CTDSPL: variants seen among roughly 807,000 people sequenced by gnomAD.
CTDSPL encodes the protein CTD small phosphatase-like protein.
A neutral mutation model predicts 30.5 loss-of-function variants in CTDSPL; 8 were observed. The ratio of observed to expected loss-of-function variants is 0.26; its 90% CI spans 0.15 to 0.47. The LOEUF (loss-of-function observed/expected upper bound fraction) is 0.47. CTDSPL is among the 20% of genes least tolerant of loss of function. CTDSPL has a pLI of 0.99. For missense variants in CTDSPL, 248 were observed against 366.1 expected, an observed-to-expected ratio of 0.68 and a Z score of 2.63; for synonymous variants, 110 against 137.9, an observed-to-expected ratio of 0.80 and a Z score of 1.42.
At chr3:37,877,054 C>T (rs1009430055) in intron 1 of CTDSPL, among the ~76,000 whole-genome samples, 4 of 149,528 alleles carry the variant, frequency 2.7e-5, no homozygotes, top group Non-Finnish European at 3.0e-5. Flanking sequence ...TGCAGTGAAC[C>T]GAGATTGCGC....
chr3:37,930,850 C>T (rs1483142457), intron 1 of CTDSPL, among the ~76,000 whole-genome samples: 3 of 152,128 alleles, frequency 2.0e-5, no homozygotes, highest in African/African-American at 4.8e-5. Context: ...TCTATCGGTG[C>T]TTGCTTCATG....
chr3:37,982,434 A>G lies in CTDSPL; in HGVS notation c.*1567A>G. On this transcript the variant is annotated 3_prime_UTR_variant, in exon 8 of 8. Coordinates refer to ENST00000273179, the MANE Select transcript of CTDSPL (RefSeq NM_001008392.2). ...AAAAACAATTAAAAAGAACCCTTTC[A>G]TATTGGCACCATTGCCTTAGTCCTC... 2.4e-6 allele frequency: 1 copy of G among 410,260 alleles called. No individual in the cohort carries two copies. The highest frequency in any genetic ancestry group is 4.9e-6 in the Non-Finnish European group (1 of 204,764). The allele number at this position is 410,260 out of a possible 1,614,324, so 25.4% of individuals were successfully genotyped here.
Position 37,917,845 on chromosome 3 carries a change from T to C in CTDSPL, c.80-29212T>C, listed in dbSNP as rs187654673. On this transcript the variant is annotated intron_variant, in intron 1 of 7. Transcript: ENST00000273179. ...AAATAAAGTGTAAAATTTATTGTGA[T>C]TGTGTTTGACAGCAGATATCGGAGA... Among the ~76,000 whole-genome samples, 13 of 152,352 alleles carry C rather than the reference T, an allele frequency of 8.5e-5. No individual in the cohort carries two copies. In the East Asian group the frequency reaches 2.5e-3, roughly 29 times the overall value.
rs141545828 is a variant in CTDSPL at position 37,964,660 on chromosome 3, C to T, written c.357C>T (p.His119=). The stretch of plus-strand genomic sequence containing the variant: ...TTGATTTAGATGAAACATTGGTGCA[C>T]AGTTCGTTTAAGGTAAATCAACATA... The part of the protein sequence containing the change: ...VVIDLDETLV[H]SSFKPISNAD... The change falls in exon 4 of 8, where the codon CAC becomes CAT. Residue 119 remains histidine (H), a synonymous_variant. Transcript: ENST00000273179. The T allele has an allele frequency of 3.8e-5, 61 of 1,611,150 alleles. No individual in the cohort carries two copies. In the African/African-American group the frequency reaches 6.4e-4, roughly 17 times the overall value.
chr3:37,894,781 T>G (rs1322918027), intron 1 of CTDSPL, among the ~76,000 whole-genome samples: 2 of 152,184 alleles, frequency 1.3e-5, no homozygotes, highest in African/African-American at 4.8e-5. Context: ...TCAGATTGGA[T>G]AATTTCTATG....
In CTDSPL at chr3:37,862,207, G is replaced by T. The variant is rs1258092613; in HGVS notation, c.8G>T (p.Gly3Val). Residue 3 changes from glycine (G) to valine (V), a missense_variant, in exon 1 of 8, where the codon GGC becomes GTC. By Grantham distance (109) the Gly-to-Val change is moderately radical. This residue lies in a region of CTDSPL where 118 missense variants were observed against 124.7 expected (regional missense o/e 0.95). Transcript: ENST00000273179. The surrounding 1 kb of genome is among the most constrained non-coding windows in gnomAD (Gnocchi z 4.3). Reference protein sequence around the residue: MDGPAIITQVTNP... With the variant: MDVPAIITQVTNP... ...CCGCCGCGCCGCGCACCCATGGACG[G>T]CCCGGCCATCATCACCCAGGTGACC... 1.4e-6 allele frequency: 2 copies of T among 1,424,272 alleles called. No individual in the cohort carries two copies. The highest frequency in any genetic ancestry group is 6.3e-5 in the East Asian group (2 of 31,802). 88.2% of individuals were successfully genotyped at this position (1,424,272 alleles called of 1,614,324 possible). A position where few individuals can be genotyped will look rare whatever the true frequency, so the allele number is the denominator to read the frequency against.
In CTDSPL at chr3:37,925,840, G is replaced by GACAC. The variant is rs143893590; in HGVS notation, c.80-21196_80-21193dup. 7.6e-3 allele frequency among the ~76,000 whole-genome samples: 1,117 copies of GACAC among 147,668 alleles called. 9 individuals carry two copies. Among genetic ancestry groups the GACAC allele is most frequent in the African/African-American group, 0.026 (1,048 of 40,386 alleles). ...GGGTGACAGTTCTCCAGTACACACA[G>GACAC]ACACACACACACACACACACACACC... On this transcript the variant is annotated intron_variant, in intron 1 of 7. Coordinates refer to ENST00000273179, the MANE Select transcript of CTDSPL (RefSeq NM_001008392.2).
At chr3:37,897,321 C>T (rs1698400324) in intron 1 of CTDSPL, among the ~76,000 whole-genome samples, 1 of 152,134 alleles carries the variant, frequency 6.6e-6, no homozygotes, top group Non-Finnish European at 1.5e-5. Context: ...TACCAAGTTT[C>T]TCATGAAGAC....
intron 1 of CTDSPL, among the ~76,000 whole-genome samples, chr3:37,939,844 C>T (rs1051162454): frequency 8.6e-5 from 13 of 150,298 alleles, no homozygotes; most frequent in South Asian, 2.1e-4. Flanking sequence ...CTATAATCCC[C>T]GCACTTTGGA....
At chr3:37,905,450 T>A (rs1698503103) in intron 1 of CTDSPL, among the ~76,000 whole-genome samples, 1 of 152,244 alleles carries the variant, frequency 6.6e-6, no homozygotes, top group Non-Finnish European at 1.5e-5. Context: ...CATGTGATTT[T>A]TAAAATATCC....
chr3:37,875,119 T>C (rs189644743), intron 1 of CTDSPL, among the ~76,000 whole-genome samples: 3 of 152,324 alleles, frequency 2.0e-5, no homozygotes, highest in African/African-American at 7.2e-5. Context: ...TCTGAAATAA[T>C]ATCAAATAAT....
At chr3:37,863,773 G>A (rs558648729) in intron 1 of CTDSPL, among the ~76,000 whole-genome samples, 1 of 152,332 alleles carries the variant, frequency 6.6e-6, no homozygotes, top group East Asian at 1.9e-4. Context: ...TCAGAAAAAC[G>A]GAAGGAACCA....
chr3:37,925,000 T>C (rs1439747739), intron 1 of CTDSPL, among the ~76,000 whole-genome samples: 1 of 152,222 alleles, frequency 6.6e-6, no homozygotes, highest in East Asian at 1.9e-4. Context: ...TAGAGGCCCT[T>C]CCCCACTCTG....
intron 1 of CTDSPL, among the ~76,000 whole-genome samples, chr3:37,900,925 G>A (rs749510953): frequency 2.2e-4 from 33 of 152,050 alleles, no homozygotes; most frequent in Non-Finnish European, 4.3e-4. Flanking sequence ...AGTCTCTCTA[G>A]TAGCCAGGAT....
intron 2 of CTDSPL, among the ~76,000 whole-genome samples, chr3:37,949,293 C>T (rs1170729996): frequency 6.6e-6 from 1 of 152,122 alleles, no homozygotes; most frequent in Non-Finnish European, 1.5e-5. Context: ...AAAAATATCC[C>T]TATTTGTTGA....
chr3:37,968,812 A>C (rs971889194), intron 5 of CTDSPL, among the ~76,000 whole-genome samples: 7 of 152,154 alleles, frequency 4.6e-5, no homozygotes, highest in Admixed American at 3.9e-4. Flanking sequence ...TCCGCCAGGG[A>C]AGGGGTTGGT....
chr3:37,879,093 G>A (rs893333699), intron 1 of CTDSPL, among the ~76,000 whole-genome samples: 55 of 152,112 alleles, frequency 3.6e-4, no homozygotes, highest in African/African-American at 1.3e-3. Context: ...AAAACAAAAG[G>A]GAAGAGCCAA....
intron 2 of CTDSPL, among the ~76,000 whole-genome samples, chr3:37,950,213 C>T (rs1235641582): frequency 6.6e-6 from 1 of 152,152 alleles, no homozygotes; most frequent in African/African-American, 2.4e-5. Context: ...CCTTGCTGGG[C>T]CTTGCAGTAC....
chr3:37,862,268 G>C lies in CTDSPL; in HGVS notation c.69G>C (p.Ala23=). The C allele has an allele frequency of 6.7e-7, 1 of 1,494,572 alleles. No homozygotes were observed. The highest frequency in any genetic ancestry group is 2.8e-5 in the East Asian group (1 of 35,322). The allele number at this position is 1,494,572 out of a possible 1,614,324, so 92.6% of individuals were successfully genotyped here. A position where few individuals can be genotyped will look rare whatever the true frequency, so the allele number is the denominator to read the frequency against. ...PKEDEGRLPG[A]GEKASQCNVS... ...AGGACGAGGGCCGGTTGCCGGGCGC[G>C]GGCGAGAAAGGTGAGGAGGGGCGCA... Residue 23 remains alanine, a synonymous_variant, in exon 1 of 8, where the codon GCG becomes GCC. Coordinates refer to ENST00000273179, the MANE Select transcript of CTDSPL (RefSeq NM_001008392.2). This position sits in a 1 kb window ranked among gnomAD's most constrained non-coding sequence, Gnocchi z 4.3.
Sources: allele counts gnomAD v4.1 joint callset (sites outside exome capture counted in the v4.1 genomes callset), GRCh38; gene constraint gnomAD v4.1.1; regional missense constraint gnomAD v4.1.1; non-coding constraint Gnocchi (gnomAD v3.1); transcripts MANE v1.5; gene names NCBI Gene and HGNC (gene_info 2026-07-23, HGNC 2026-07-21).